The following TRIO variants were observed in gnomAD, a reference collection of about 807,000 sequenced individuals.
TRIO encodes the protein triple functional domain protein.
Under a neutral mutation model 351.9 loss-of-function variants are expected in TRIO, and 58 were observed. The observed-to-expected ratio is 0.16, with a 90% CI of 0.13 to 0.21. TRIO has a LOEUF of 0.21. TRIO is among the 10% of genes least tolerant of loss of function. The probability of loss-of-function intolerance (pLI) is 1.00; values close to 1 mark genes in which losing one functional copy is unlikely to be tolerated. For missense variants in TRIO, 3,201 were observed against 4,027.8 expected (o/e 0.79, Z 5.56); for synonymous variants, 1,758 against 1,595.7 (o/e 1.10, Z -2.42).
At chr5:14,308,921 A>G (rs984590890) in intron 8 of TRIO, among the ~76,000 whole-genome samples, 2 of 151,678 alleles carry the variant, frequency 1.3e-5, no homozygotes, top group East Asian at 3.9e-4. Flanking sequence ...TGTCTAGTCC[A>G]TCTGTCCATC....
intron 1 of TRIO, among the ~76,000 whole-genome samples, chr5:14,268,329 G>A (rs957627786): frequency 6.6e-6 from 1 of 152,222 alleles, no homozygotes; most frequent in African/African-American, 2.4e-5. Flanking sequence ...CAGTAAATAG[G>A]TGTGATTCAG....
intron 1 of TRIO, among the ~76,000 whole-genome samples, chr5:14,241,084 TTATC>T (rs1561240886): frequency 6.6e-6 from 1 of 152,226 alleles, no homozygotes; most frequent in Non-Finnish European, 1.5e-5. Context: ...TCTTTTTTAT[TTATC>T]AGTGTTAGAA....
intron 1 of TRIO, among the ~76,000 whole-genome samples, chr5:14,179,810 G>C (rs976761264): frequency 2.0e-5 from 3 of 152,068 alleles, no homozygotes; most frequent in African/African-American, 4.8e-5. Flanking sequence ...ATGATTAACT[G>C]TCTGGGCATG....
At chr5:14,246,624 C>G (rs1380279522) in intron 1 of TRIO, among the ~76,000 whole-genome samples, 1 of 152,226 alleles carries the variant, frequency 6.6e-6, no homozygotes, top group African/African-American at 2.4e-5. Context: ...TGCCCCCTTT[C>G]TGTGGGCCAG....
chr5:14,171,038 A>G (rs1380998851), intron 1 of TRIO, among the ~76,000 whole-genome samples: 1 of 152,196 alleles, frequency 6.6e-6, no homozygotes, highest in Non-Finnish European at 1.5e-5. Context: ...CTTAAATTAT[A>G]TTCCTTGCCC....
chr5:14,488,269 G>A lies in TRIO; in HGVS notation c.7632+9G>A, dbSNP rs1189819089. 2.6e-6 allele frequency: 4 copies of A among 1,549,630 alleles called. No individual in the cohort carries two copies. The highest frequency in any genetic ancestry group is 3.5e-6 in the Non-Finnish European group (4 of 1,153,518). On this transcript the variant is annotated intron_variant, in intron 48 of 56. Transcript: ENST00000344204. The stretch of plus-strand genomic sequence containing the variant: ...CCACCCAGAGCAACGGGGTAAGCGC[G>A]TCGGGGGGCCCGCGCCCTCCCGCCC...
At chr5:14,317,985 G>C (rs557639699) in intron 9 of TRIO, among the ~76,000 whole-genome samples, 77 of 152,208 alleles carry the variant, frequency 5.1e-4, no homozygotes, top group Non-Finnish European at 1.0e-3. Context: ...AAATTAGCCA[G>C]GTGTGGTGGC....
At position 14,448,714 on chromosome 5, in the gene TRIO, G is replaced by A. The variant is rs1752622836; in HGVS notation, c.5204-12305G>A. ...TGGGCATGGATGTCTTCAGCTGGCA[G>A]GATGTGTGTGTGTCTTTCTGGTTTC... On this transcript the variant is annotated intron_variant, in intron 34 of 56. Coordinates refer to ENST00000344204, the MANE Select transcript of TRIO (RefSeq NM_007118.4). 2.0e-5 allele frequency among the ~76,000 whole-genome samples: 3 copies of A among 152,204 alleles called. No homozygotes were observed. The South Asian group carries it at 6.2e-4, about 32-fold the overall frequency.
chr5:14,162,382 TTG>T (rs1159395959), intron 1 of TRIO, among the ~76,000 whole-genome samples: 2 of 152,226 alleles, frequency 1.3e-5, no homozygotes, highest in African/African-American at 4.8e-5. Context: ...AACAGATGGC[TTG>T]TAATTTAACA....
At position 14,375,642 on chromosome 5, in the gene TRIO, C is replaced by G. The variant is rs532441094; in HGVS notation, c.3331+1299C>G. 7.2e-5 allele frequency among the ~76,000 whole-genome samples: 11 copies of G among 152,230 alleles called. No homozygotes were observed. In the East Asian group the frequency reaches 2.1e-3, roughly 29 times the overall value. ...GAAAAGACAGTCTAACCCCAAGGCA[C>G]AGGCAAGGAGGAGTCTCAGACCACG... On this transcript the variant is annotated intron_variant, in intron 19 of 56. Transcript: ENST00000344204.
At chr5:14,316,367 G>A in intron 8 of TRIO, 146 bp from the exon 9 acceptor site, 1 of 773,534 alleles carries the variant, frequency 1.3e-6, no homozygotes. Flanking sequence ...TGTGGTGTGT[G>A]AATGAATGTC....
chr5:14,191,746 G>C (rs1398859425), intron 1 of TRIO, among the ~76,000 whole-genome samples: 2 of 152,142 alleles, frequency 1.3e-5, no homozygotes, highest in African/African-American at 4.8e-5. Flanking sequence ...AGAGAAGTAA[G>C]CCACAGCCAG....
At position 14,369,532 on chromosome 5, in the gene TRIO, A is replaced by G; in HGVS notation, c.3216+9A>G. On this transcript the variant is annotated intron_variant, in intron 18 of 56. Transcript: ENST00000344204. ...AGGAGGCATTCCTGAAGGTAGGGGC[A>G]GCGCTGCGGGACAGTGCACCCATCA... The G allele has an allele frequency of 6.2e-7, 1 of 1,612,422 alleles. No homozygotes were observed. The highest frequency in any genetic ancestry group is 8.5e-7 in the Non-Finnish European group (1 of 1,179,320).
At chr5:14,455,333 C>T (rs1457339160) in intron 34 of TRIO, among the ~76,000 whole-genome samples, 1 of 152,176 alleles carries the variant, frequency 6.6e-6, no homozygotes, top group African/African-American at 2.4e-5. Context: ...GTTTACAATC[C>T]CTGAGCTAGA....
intron 1 of TRIO, among the ~76,000 whole-genome samples, chr5:14,217,176 C>T (rs1450928874): frequency 2.6e-5 from 4 of 152,156 alleles, no homozygotes; most frequent in Admixed American, 6.5e-5. Context: ...ACTAAGCATA[C>T]CTGGAGCCAG....
chr5:14,163,157 C>T (rs1788572963), intron 1 of TRIO, among the ~76,000 whole-genome samples: 2 of 152,118 alleles, frequency 1.3e-5, no homozygotes, highest in South Asian at 4.1e-4. Context: ...TTATGCCCTC[C>T]CTCCCTTTGC....
chr5:14,393,100 T>C (rs1747250632), intron 27 of TRIO, among the ~76,000 whole-genome samples: 1 of 148,950 alleles, frequency 6.7e-6, no homozygotes, highest in Non-Finnish European at 1.5e-5. Context: ...TGCAGGGACA[T>C]AGATGAAGCT....
chr5:14,267,899 T>A (rs547781519), intron 1 of TRIO, among the ~76,000 whole-genome samples: 9 of 152,358 alleles, frequency 5.9e-5, no homozygotes, highest in African/African-American at 1.9e-4. Flanking sequence ...TTTTGAAGTA[T>A]TAATTGATGG....
At chr5:14,452,090 C>G (rs1485571178) in intron 34 of TRIO, among the ~76,000 whole-genome samples, 2 of 152,238 alleles carry the variant, frequency 1.3e-5, no homozygotes, top group South Asian at 4.1e-4. Context: ...CACATGTGTG[C>G]ATGTTTGGCT....
Sources: gnomAD v4.1 joint callset for allele counts (sites outside exome capture counted in the v4.1 genomes callset) on GRCh38, gnomAD v4.1.1 for gene constraint, MANE v1.5 for transcripts, NCBI Gene and HGNC (gene_info 2026-07-23, HGNC 2026-07-21) for gene names.